Variants in BICD1 observed in about 807,000 individuals in gnomAD.
The protein encoded by BICD1 is BICD cargo adaptor 1.
BICD1 carries 35 observed loss-of-function variants against 92.5 expected under a neutral mutation model. The observed-to-expected ratio is 0.38, with a 90% CI of 0.29 to 0.50. The LOEUF is 0.50. BICD1 is among the 20% of genes least tolerant of loss of function. BICD1 has a pLI of 0.93. For synonymous variants in BICD1, 429 were observed against 465.1 expected (o/e 0.92, Z 1.00); for missense variants, 950 against 1,189.8 (o/e 0.80, Z 2.97).
intron 9 of BICD1, among the ~76,000 whole-genome samples, chr12:32,370,759 T>G (rs183265837): frequency 6.6e-6 from 1 of 152,324 alleles, no homozygotes; most frequent in East Asian, 1.9e-4. Context: ...TGGCTTGGAG[T>G]GTCTGCTCAG....
At chr12:32,287,118 T>C (rs1466353340) in intron 2 of BICD1, among the ~76,000 whole-genome samples, 1 of 152,118 alleles carries the variant, frequency 6.6e-6, no homozygotes, top group Non-Finnish European at 1.5e-5. Flanking sequence ...GCTGAGTTTC[T>C]GGGAGTCTGT....
At position 32,379,465 on chromosome 12, in the gene BICD1, A is replaced by G. The variant is rs2136352386; in HGVS notation, c.*1838A>G. 6.6e-6 allele frequency: 1 copy of G among 152,360 alleles called. No individual in the cohort carries two copies. The highest frequency in any genetic ancestry group is 1.9e-4 in the East Asian group (1 of 5,192). 9.4% of individuals were successfully genotyped at this position (152,360 alleles called of 1,614,324 possible). A position where few individuals can be genotyped will look rare whatever the true frequency, so the allele number is the denominator to read the frequency against. Reference sequence around the variant, plus strand: ...GTTCAGGTTAAAGTACAGAAACAGAAACAAAACGATTCGACATGAAGTTCC... The same window carrying G: ...GTTCAGGTTAAAGTACAGAAACAGAGACAAAACGATTCGACATGAAGTTCC... On this transcript the variant is annotated 3_prime_UTR_variant, in exon 10 of 10. Coordinates refer to ENST00000652176, the MANE Select transcript of BICD1 (RefSeq NM_001714.4).
chr12:32,262,367 C>A (rs1203432112), intron 2 of BICD1, among the ~76,000 whole-genome samples: 1 of 152,138 alleles, frequency 6.6e-6, no homozygotes, highest in Non-Finnish European at 1.5e-5. Context: ...CAGCCCCATC[C>A]CTGGTACTAG....
intron 8 of BICD1, among the ~76,000 whole-genome samples, chr12:32,356,220 A>T (rs1939090880): frequency 6.6e-6 from 1 of 152,220 alleles, no homozygotes; most frequent in African/African-American, 2.4e-5. Flanking sequence ...GGCTAAGAAC[A>T]GTTAAGTCAC....
rs1292770161 is a variant in BICD1, at chr12:32,226,615, C to T, written c.426+10156C>T. ...AAAGGGAGAGTGCAGGCTGAGTGGCCAGCAGGCCATGGGCATCCCACAGGG... is the reference window on the plus strand; with the variant it reads ...AAAGGGAGAGTGCAGGCTGAGTGGCTAGCAGGCCATGGGCATCCCACAGGG... On this transcript the variant is annotated intron_variant, in intron 2 of 9. Transcript: ENST00000652176. 2.0e-5 allele frequency among the ~76,000 whole-genome samples: 3 copies of T among 152,148 alleles called. No individual in the cohort carries two copies. The East Asian group carries it at 5.8e-4, about 29-fold the overall frequency.
chr12:32,261,209 C>T (rs1042308085), intron 2 of BICD1, among the ~76,000 whole-genome samples: 1 of 150,292 alleles, frequency 6.7e-6, no homozygotes, highest in Non-Finnish European at 1.5e-5. Context: ...ATGTGCCAGA[C>T]CCTGTGCTAG....
chr12:32,150,016 A>C (rs901281093), intron 1 of BICD1, among the ~76,000 whole-genome samples: 2 of 152,174 alleles, frequency 1.3e-5, no homozygotes, highest in African/African-American at 2.4e-5. Flanking sequence ...AGGAAGACCA[A>C]AGGTACATCT....
Position 32,327,506 on chromosome 12 carries a change from C to G in BICD1, c.1051C>G (p.Gln351Glu). The stretch of plus-strand genomic sequence containing the variant: ...TCTTTTGGCCAACCTACAGGAGTCA[C>G]AGACACAGCTGGAACACACCAAGGG... ...AILLANLQES[Q>E]TQLEHTKGAL... The change falls in exon 5 of 10, where the codon CAG becomes GAG. Residue 351 changes from glutamine (Q) to glutamate (E), a missense_variant. Gln to Glu is a conservative substitution (Grantham distance 29, BLOSUM62 2). Around this residue, in one of 5 missense-constraint regions of BICD1, gnomAD observed 246 missense variants for 258.4 expected, o/e 0.95. Transcript: ENST00000652176. The G allele has an allele frequency of 6.2e-7, 1 of 1,612,586 alleles. No individual in the cohort carries two copies. Among genetic ancestry groups the G allele is most frequent in the Non-Finnish European group, 8.5e-7 (1 of 1,179,204 alleles).
intron 8 of BICD1, among the ~76,000 whole-genome samples, chr12:32,357,003 A>G (rs1224341923): frequency 7.0e-6 from 1 of 141,868 alleles, no homozygotes; most frequent in Admixed American, 7.5e-5. Flanking sequence ...TCGAATGCAG[A>G]TTCTCCTGCT....
At chr12:32,227,059 G>T (rs940434313) in intron 2 of BICD1, among the ~76,000 whole-genome samples, 5 of 152,236 alleles carry the variant, frequency 3.3e-5, no homozygotes, top group Admixed American at 3.3e-4. Context: ...GACCAAGGGA[G>T]CTGGATGGAC....
intron 1 of BICD1, among the ~76,000 whole-genome samples, chr12:32,155,202 A>G (rs1943403533): frequency 6.6e-6 from 1 of 152,364 alleles, no homozygotes; most frequent in African/African-American, 2.4e-5. Context: ...GGCCACTGAC[A>G]GTCTTATTGC....
chr12:32,256,287 C>A (rs1452262171), intron 2 of BICD1, among the ~76,000 whole-genome samples: 1 of 152,158 alleles, frequency 6.6e-6, no homozygotes, highest in African/African-American at 2.4e-5. Flanking sequence ...TGGCTTCAAG[C>A]AGTCCTCCTG....
intron 1 of BICD1, among the ~76,000 whole-genome samples, chr12:32,125,042 T>C (rs962221697): frequency 6.6e-6 from 1 of 152,216 alleles, no homozygotes; most frequent in Admixed American, 6.5e-5. Flanking sequence ...TAAATCTGTT[T>C]GAGCCTTCTG....
intron 9 of BICD1, among the ~76,000 whole-genome samples, chr12:32,374,528 A>ATACATTAT (rs1939855892): frequency 6.6e-6 from 1 of 150,436 alleles, no homozygotes; most frequent in Non-Finnish European, 1.5e-5. Flanking sequence ...GAATCTTGCC[A>ATACATTAT]TACATTATTT....
At chr12:32,294,225 T>C (rs1339495629) in intron 3 of BICD1, 79 bp downstream of exon 3, 5 of 1,330,808 alleles carry the variant, frequency 3.8e-6, no homozygotes, top group Middle Eastern at 3.9e-4. Context: ...TCCAAACTTG[T>C]CAGAATTTAT....
chr12:32,133,436 C>T (rs1414572440), intron 1 of BICD1, among the ~76,000 whole-genome samples: 1 of 151,586 alleles, frequency 6.6e-6, no homozygotes, highest in South Asian at 2.1e-4. Context: ...TGCAGTGAGC[C>T]AAGATCGTGC....
chr12:32,299,202 A>T (rs1211552423), intron 3 of BICD1, among the ~76,000 whole-genome samples: 1 of 152,224 alleles, frequency 6.6e-6, no homozygotes, highest in African/African-American at 2.4e-5. Flanking sequence ...TTAAACTATG[A>T]AGTTGCCATA....
intron 1 of BICD1, among the ~76,000 whole-genome samples, chr12:32,122,052 G>A (rs1942173773): frequency 6.6e-6 from 1 of 152,108 alleles, no homozygotes; most frequent in Admixed American, 6.5e-5. Flanking sequence ...TTGGACTCAA[G>A]ACATCTACCT....
chr12:32,220,107 G>T (rs1242247078), intron 2 of BICD1, among the ~76,000 whole-genome samples: 6 of 152,162 alleles, frequency 3.9e-5, no homozygotes, highest in Non-Finnish European at 7.3e-5. Flanking sequence ...ATGGATTAAA[G>T]ACTTAAACGT....
Sources: allele counts gnomAD v4.1 joint callset (sites outside exome capture counted in the v4.1 genomes callset), GRCh38; gene constraint gnomAD v4.1.1; regional missense constraint gnomAD v4.1.1; transcripts MANE v1.5; gene names NCBI Gene and HGNC (gene_info 2026-07-23, HGNC 2026-07-21).